The following RAB3IL1 variants were observed in gnomAD, a reference collection of about 807,000 sequenced individuals.
RAB3IL1 encodes the protein guanine nucleotide exchange factor for Rab-3A.
A neutral mutation model predicts 49.2 loss-of-function variants in RAB3IL1; 37 were observed. That is an observed-to-expected ratio of 0.75 (90% CI 0.58 to 0.99). The LOEUF is 0.99. Ranked by LOEUF, RAB3IL1 falls within the 50% of genes least tolerant of loss-of-function variation. The pLI, the probability that RAB3IL1 is intolerant of heterozygous loss-of-function variation, is 0.00. For missense variants in RAB3IL1, 484 were observed against 513.0 expected (o/e 0.94, Z 0.55); for synonymous variants, 193 against 213.9 (o/e 0.90, Z 0.85).
chr11:61,929,022 T>A, the RAB3IL1 span, among the ~76,000 whole-genome samples: 9 of 152,176 alleles, frequency 5.9e-5, no homozygotes, highest in Admixed American at 3.3e-4. Context: ...CAAAAAAAAA[T>A]TATTTTTAAT....
chr11:61,932,677 CAT>C, the RAB3IL1 span, among the ~76,000 whole-genome samples: 4 of 150,694 alleles, frequency 2.7e-5, no homozygotes, highest in South Asian at 8.4e-4. Flanking sequence ...AAATCAAAGA[CAT>C]AAATAGAAAA....
chr11:61,899,813 C>G (rs1938811546), intron 8 of RAB3IL1: 1 of 196,256 alleles, frequency 5.1e-6, no homozygotes, highest in South Asian at 8.5e-5. Flanking sequence ...TTGGGCCAGC[C>G]AGGCCTCAGT....
chr11:61,926,507 C>G, the RAB3IL1 span, among the ~76,000 whole-genome samples: 1 of 152,134 alleles, frequency 6.6e-6, no homozygotes, highest in African/African-American at 2.4e-5. Flanking sequence ...GAGCTTGGTT[C>G]CCTCATGAAT....
intron 1 of RAB3IL1, among the ~76,000 whole-genome samples, chr11:61,912,815 G>A (rs901629195): frequency 2.0e-5 from 3 of 152,028 alleles, no homozygotes; most frequent in Admixed American, 2.0e-4. Context: ...CAAGAATGCT[G>A]TACAGCCAGG....
rs371361294 is a variant in RAB3IL1 at position 61,898,388 on chromosome 11, C to A, written c.1067-28G>T. On this transcript the variant is annotated intron_variant, in intron 9 of 9. Transcript: ENST00000394836. This position sits in a 1 kb window ranked among gnomAD's most constrained non-coding sequence, Gnocchi z 5.1. ...GCAGGCAGAGAGAGGGTGAACAGGT[C>A]GGGGACAGCTCAGGGTCACCTCGGG... is the stretch of plus-strand genomic sequence containing the variant. 9 of 1,605,150 alleles carry A rather than the reference C, an allele frequency of 5.6e-6. No homozygotes were observed. Among genetic ancestry groups the A allele is most frequent in the Non-Finnish European group, 7.7e-6 (9 of 1,173,450 alleles).
At chr11:61,934,446 G>GTATGTA in the RAB3IL1 span, among the ~76,000 whole-genome samples, 1 of 24,404 alleles carries the variant, frequency 4.1e-5, no homozygotes, top group East Asian at 1.8e-3. Flanking sequence ...GTGTGTGTGT[G>GTATGTA]TATGTATATA....
upstream of RAB3IL1, chr11:61,920,251 G>A: frequency 8.1e-7 from 1 of 1,237,514 alleles, no homozygotes; most frequent in Non-Finnish European, 1.0e-6. Flanking sequence ...GGTAGCAGGA[G>A]CCTTCTTCCC....
the RAB3IL1 span, chr11:61,945,767 C>T: frequency 2.0e-6 from 2 of 985,332 alleles, no homozygotes; most frequent in Non-Finnish European, 2.4e-6. Context: ...GTGGTCAGTG[C>T]CTCACCTGGC....
chr11:61,941,478 C>T, the RAB3IL1 span, among the ~76,000 whole-genome samples: 326 of 152,264 alleles, frequency 2.1e-3, 1 homozygote, highest in Admixed American at 7.9e-3. Flanking sequence ...CCAGGCTGGG[C>T]GTGGTGGCTC....
chr11:61,920,064 T>C, upstream of RAB3IL1: 1 of 1,276,174 alleles, frequency 7.8e-7, no homozygotes, highest in Admixed American at 3.5e-5. Flanking sequence ...AGGGCTCTTC[T>C]CTCAAGTTCC....
the RAB3IL1 span, among the ~76,000 whole-genome samples, chr11:61,946,278 G>T: frequency 6.6e-6 from 1 of 152,180 alleles, no homozygotes; most frequent in Non-Finnish European, 1.5e-5. Flanking sequence ...AGCCAAGCTG[G>T]GTCTCCTTCT....
At chr11:61,946,249 C>G in the RAB3IL1 span, among the ~76,000 whole-genome samples, 3 of 152,174 alleles carry the variant, frequency 2.0e-5, no homozygotes, top group Admixed American at 2.0e-4. Flanking sequence ...TACCCCGGGG[C>G]CCCCTGCCTA....
intron 1 of RAB3IL1, among the ~76,000 whole-genome samples, chr11:61,911,989 A>G (rs1020361697): frequency 1.3e-5 from 2 of 152,200 alleles, no homozygotes; most frequent in Non-Finnish European, 2.9e-5. Flanking sequence ...AGTGTCCCCA[A>G]GCCAGCAGGG....
the RAB3IL1 span, among the ~76,000 whole-genome samples, chr11:61,928,241 G>C: frequency 6.6e-6 from 1 of 152,064 alleles, no homozygotes; most frequent in Admixed American, 6.6e-5. Context: ...GGCCTTGTCT[G>C]CCAAAGCCAC....
At chr11:61,931,658 G>A in the RAB3IL1 span, among the ~76,000 whole-genome samples, 1 of 152,028 alleles carries the variant, frequency 6.6e-6, no homozygotes, top group Admixed American at 6.5e-5. Flanking sequence ...GGAGAAGGAA[G>A]GCAAGGAGGA....
rs943502512 is a variant in RAB3IL1, at chr11:61,904,256, C to T, written c.899+290G>A. Reference sequence around the variant, plus strand: ...AGGACAAATGCCAGGGCTACTGCGTCGTTATTTATTGGCAGGGGCACAGCC... The same window carrying T: ...AGGACAAATGCCAGGGCTACTGCGTTGTTATTTATTGGCAGGGGCACAGCC... On this transcript the variant is annotated intron_variant, in intron 7 of 9. Transcript: ENST00000394836. Among the ~76,000 whole-genome samples, 7 of 152,048 alleles carry T rather than the reference C, an allele frequency of 4.6e-5. No homozygotes were observed. The East Asian group carries it at 9.7e-4, about 21-fold the overall frequency.
the RAB3IL1 span, among the ~76,000 whole-genome samples, chr11:61,942,158 C>G: frequency 7.2e-5 from 11 of 152,280 alleles, no homozygotes; most frequent in African/African-American, 1.7e-4. Context: ...TTGCAGTGAG[C>G]CATGATCGCA....
chr11:61,939,008 G>A, the RAB3IL1 span, among the ~76,000 whole-genome samples: 28 of 150,660 alleles, frequency 1.9e-4, no homozygotes, highest in African/African-American at 6.1e-4. Flanking sequence ...TTCAATAATG[G>A]CTAGAACTAC....
At chr11:61,929,800 G>C in the RAB3IL1 span, among the ~76,000 whole-genome samples, 1,727 of 151,096 alleles carry the variant, frequency 0.011, 46 homozygotes, top group African/African-American at 0.04. Context: ...TGGCCAAGAT[G>C]GTCTCGATCT....
Sources: gnomAD v4.1 joint callset for allele counts (sites outside exome capture counted in the v4.1 genomes callset) on GRCh38, gnomAD v4.1.1 for gene constraint, Gnocchi (gnomAD v3.1) non-coding constraint, MANE v1.5 for transcripts, NCBI Gene and HGNC (gene_info 2026-07-23, HGNC 2026-07-21) for gene names.